The following PCDH15 variants were observed in gnomAD, a reference collection of about 807,000 sequenced individuals.
PCDH15 encodes the protein protocadherin-15.
Under a neutral mutation model 178.5 loss-of-function variants are expected in PCDH15, and 129 were observed. The observed-to-expected ratio is 0.72, with a 90% confidence interval of 0.63 to 0.84. The LOEUF is 0.84. PCDH15 is among the 40% of genes least tolerant of loss of function. The pLI is 0.00. For synonymous variants in PCDH15, 800 were observed against 732.0 expected (o/e 1.09, Z -1.50); for missense variants, 2,230 against 2,099.9 (o/e 1.06, Z -1.21).
intron 1 of PCDH15, among the ~76,000 whole-genome samples, chr10:55,225,998 T>C (rs1239288659): frequency 1.3e-5 from 2 of 152,114 alleles, no homozygotes; most frequent in East Asian, 3.9e-4. Flanking sequence ...TTCAGAATGC[T>C]GAGTTAGAGT....
intron 23 of PCDH15, among the ~76,000 whole-genome samples, chr10:53,949,455 T>G (rs1396715393): frequency 1.3e-5 from 2 of 152,252 alleles, no homozygotes; most frequent in Non-Finnish European, 2.9e-5. Context: ...GACAAATCAT[T>G]CTTTCCAAAC....
At chr10:54,732,850 C>T (rs1953611) in intron 1 of PCDH15, among the ~76,000 whole-genome samples, 128,336 of 151,372 alleles carry the variant, frequency 0.85, 55,164 homozygotes, top group Non-Finnish European at 0.93. Flanking sequence ...TCAGGTGGAG[C>T]AGATTCCAGT....
At chr10:55,555,398 T>C (rs1313985455) in intron 2 of PCDH15, among the ~76,000 whole-genome samples, 1 of 152,138 alleles carries the variant, frequency 6.6e-6, no homozygotes, top group South Asian at 2.1e-4. Context: ...AAAGCCGTTT[T>C]ATTTTCTCTC....
intron 2 of PCDH15, among the ~76,000 whole-genome samples, chr10:54,939,417 C>A (rs552034630): frequency 1.4e-5 from 2 of 140,372 alleles, no homozygotes; most frequent in African/African-American, 5.4e-5. Flanking sequence ...ATGGCATGAA[C>A]CCGGGAGGCG....
chr10:55,049,356 TG>T (rs1007880517), intron 2 of PCDH15, among the ~76,000 whole-genome samples: 17 of 151,846 alleles, frequency 1.1e-4, no homozygotes, highest in African/African-American at 3.9e-4. Context: ...TCAGACAACA[TG>T]AAAGCTCAAA....
chr10:54,319,867 C>T (rs2133715384), intron 7 of PCDH15, among the ~76,000 whole-genome samples: 1 of 151,976 alleles, frequency 6.6e-6, no homozygotes, highest in Non-Finnish European at 1.5e-5. Flanking sequence ...CTCATAAAAA[C>T]TTGTAAAGCA....
At chr10:55,247,376 G>A (rs970208592) in intron 1 of PCDH15, among the ~76,000 whole-genome samples, 1 of 152,044 alleles carries the variant, frequency 6.6e-6, no homozygotes, top group Non-Finnish European at 1.5e-5. Flanking sequence ...AGTCAAACAG[G>A]CCATGTTTAT....
chr10:55,267,968 C>A (rs939921918), intron 1 of PCDH15, among the ~76,000 whole-genome samples: 2 of 151,946 alleles, frequency 1.3e-5, no homozygotes, highest in African/African-American at 4.8e-5. Context: ...AAGTTTAATC[C>A]TTTTTATTGT....
At chr10:54,310,213 T>C (rs935132326) in intron 8 of PCDH15, among the ~76,000 whole-genome samples, 2 of 152,106 alleles carry the variant, frequency 1.3e-5, no homozygotes, top group African/African-American at 4.8e-5. Flanking sequence ...GTGGAATTCA[T>C]TTGGTGTATG....
chr10:54,783,406 C>A (rs533818805), intron 1 of PCDH15, among the ~76,000 whole-genome samples: 3 of 150,946 alleles, frequency 2.0e-5, no homozygotes, highest in African/African-American at 7.3e-5. Context: ...ATAACCTCAT[C>A]AAATAAGGAG....
intron 1 of PCDH15, among the ~76,000 whole-genome samples, chr10:55,175,908 G>A (rs1839471434): frequency 2.0e-5 from 3 of 151,946 alleles, no homozygotes; most frequent in African/African-American, 7.2e-5. Flanking sequence ...AAGAAGGACT[G>A]TGCAGGAAAC....
chr10:54,601,098 G>A (rs909635329), intron 2 of PCDH15, among the ~76,000 whole-genome samples: 4 of 151,910 alleles, frequency 2.6e-5, no homozygotes, highest in Admixed American at 1.3e-4. Flanking sequence ...TCGTTGACAC[G>A]GACAGTTTGC....
chr10:55,420,849 AC>A (rs1309513108), intron 2 of PCDH15, among the ~76,000 whole-genome samples: 5 of 151,756 alleles, frequency 3.3e-5, no homozygotes, highest in Admixed American at 6.6e-5. Context: ...AGGAATAATA[AC>A]CAAGGAACTT....
intron 2 of PCDH15, among the ~76,000 whole-genome samples, chr10:54,592,375 T>C (rs12269070): frequency 0.035 from 5,282 of 151,960 alleles, 310 homozygotes; most frequent in African/African-American, 0.12. Context: ...TTTTTCTTTT[T>C]TCAGCTTTAT....
intron 3 of PCDH15, among the ~76,000 whole-genome samples, chr10:54,491,308 CA>C (rs140987485): frequency 3.3e-4 from 44 of 133,346 alleles, no homozygotes; most frequent in East Asian, 1.1e-3. Flanking sequence ...TATGATGTCT[CA>C]AAAAAAAAAA....
chr10:55,003,826 G>T (rs6481134), intron 2 of PCDH15, among the ~76,000 whole-genome samples: 34,586 of 152,112 alleles, frequency 0.23, 4,519 homozygotes, highest in African/African-American at 0.34. Context: ...CAGGGTTTCT[G>T]GCCTGTGGTT....
chr10:54,259,563 T>C (rs2132262912), intron 8 of PCDH15, among the ~76,000 whole-genome samples: 1 of 152,314 alleles, frequency 6.6e-6, no homozygotes, highest in Middle Eastern at 3.4e-3. Flanking sequence ...GTGAGTATTA[T>C]GGAATAGTTC....
intron 2 of PCDH15, among the ~76,000 whole-genome samples, chr10:55,153,960 T>G (rs895364940): frequency 2.0e-5 from 3 of 152,186 alleles, no homozygotes; most frequent in African/African-American, 4.8e-5. Flanking sequence ...ATTGGCTTTC[T>G]CATTAAAAAT....
At chr10:55,144,000 A>G (rs1162481904) in intron 2 of PCDH15, among the ~76,000 whole-genome samples, 1 of 94,046 alleles carries the variant, frequency 1.1e-5, no homozygotes, top group East Asian at 2.7e-4. Context: ...TCAGAGTCCT[A>G]TCTTGGGTGT....
Sources: allele counts gnomAD v4.1 joint callset (sites outside exome capture counted in the v4.1 genomes callset), GRCh38; gene constraint gnomAD v4.1.1; transcripts MANE v1.5; gene names NCBI Gene and HGNC (gene_info 2026-07-23, HGNC 2026-07-21).